RBL2: variants seen among roughly 807,000 people sequenced by gnomAD.
The protein encoded by RBL2 is retinoblastoma-like protein 2.
A neutral mutation model predicts 126.0 loss-of-function variants in RBL2; 56 were observed. That is an observed-to-expected ratio of 0.44 (90% CI 0.36 to 0.56). The LOEUF is 0.56. Among genes scored for constraint, RBL2 ranks in the 20% least tolerant of loss-of-function variants. The probability of loss-of-function intolerance (pLI) is 0.00; values close to 1 mark genes in which losing one functional copy is unlikely to be tolerated. For synonymous variants in RBL2, 454 were observed against 478.5 expected (o/e 0.95, Z 0.67); for missense variants, 1,229 against 1,398.2 (o/e 0.88, Z 1.93).
chr16:53,473,041 T>A (rs995593098), intron 17 of RBL2, among the ~76,000 whole-genome samples: 1 of 152,236 alleles, frequency 6.6e-6, no homozygotes, highest in Non-Finnish European at 1.5e-5. Context: ...GAACTCTAAA[T>A]TCTATTCCAC....
rs769694024 is a variant in RBL2 at position 53,462,636 on chromosome 16, T to G, written c.1541T>G (p.Leu514Arg). 8.3e-5 allele frequency: 129 copies of G among 1,555,418 alleles called. No homozygotes were observed. In the South Asian group the frequency reaches 8.8e-4, roughly 11 times the overall value. ...GTTATTGAGCAGGAACAAAAAAGAC[T>G]AGGAGACATGGATTTATCTGTGAGT... ...ESVIEQEQKRLGDMDLSGILE... is the reference protein window; with the variant it reads ...ESVIEQEQKRRGDMDLSGILE... Residue 514 changes from leucine (L) to arginine (R), a missense_variant, in exon 11 of 22, where the codon CTA (leucine) becomes CGA (arginine). Leu to Arg is a moderately radical substitution (Grantham distance 102, BLOSUM62 -2). This residue lies in a region of RBL2 where 1,070 missense variants were observed against 1,274.3 expected (regional missense o/e 0.84). Coordinates refer to ENST00000262133, the MANE Select transcript of RBL2 (RefSeq NM_005611.4).
rs1342580743 is a variant in RBL2 at position 53,464,524 on chromosome 16, CT to C, written c.1698+162del. On this transcript the variant is annotated intron_variant, in intron 12 of 21. Transcript: ENST00000262133. The stretch of plus-strand genomic sequence containing the variant: ...TAGAAAAGAAATAGAATCTTAAGAC[CT>C]ATGTAAATTCTTTTAATATTGTATG... 2.7e-5 allele frequency: 16 copies of C among 591,174 alleles called. No homozygotes were observed. In the South Asian group the frequency reaches 4.0e-4, roughly 15 times the overall value. The allele number at this position is 591,174 out of a possible 1,614,324, so 36.6% of individuals were successfully genotyped here. A position where few individuals can be genotyped will look rare whatever the true frequency, so the allele number is the denominator to read the frequency against.
intron 15 of RBL2, 68 bp from the exon 16 acceptor site, chr16:53,470,315 T>G: frequency 2.5e-6 from 4 of 1,572,226 alleles, no homozygotes. Flanking sequence ...GAGCAGAAAT[T>G]GTAAACCTCT....
intron 5 of RBL2, 144 bp downstream of exon 5, chr16:53,451,975 GC>G: frequency 1.1e-6 from 1 of 903,300 alleles, no homozygotes; most frequent in East Asian, 2.5e-5. Context: ...TAAGAGTCAA[GC>G]TGCCTGTAAA....
Position 53,434,475 on chromosome 16 carries a change from G to A in RBL2, c.-82G>A. 3 of 1,299,600 alleles carry A rather than the reference G, an allele frequency of 2.3e-6. No individual in the cohort carries two copies. Among genetic ancestry groups the A allele is most frequent in the Middle Eastern group, 2.9e-4 (1 of 3,460 alleles). 80.5% of individuals were successfully genotyped at this position (1,299,600 alleles called of 1,614,324 possible). A position where few individuals can be genotyped will look rare whatever the true frequency, so the allele number is the denominator to read the frequency against. On this transcript the variant is annotated 5_prime_UTR_variant, in exon 1 of 22. Coordinates refer to ENST00000262133, the MANE Select transcript of RBL2 (RefSeq NM_005611.4). ...CGGCGCAGGCGCGGTGCGGGCGGCG[G>A]ACGGGCGGGCGCTTCGCCGTTTGAA...
At chr16:53,479,821 T>G (rs1960871619) in intron 18 of RBL2, 65 bp from the exon 19 acceptor site, 1 of 1,051,234 alleles carries the variant, frequency 9.5e-7, no homozygotes, top group Non-Finnish European at 1.4e-6. Flanking sequence ...TATGTGAAGG[T>G]CCTATCACCA....
At chr16:53,438,354 T>C (rs2057979515) in intron 1 of RBL2, among the ~76,000 whole-genome samples, 1 of 152,180 alleles carries the variant, frequency 6.6e-6, no homozygotes, top group South Asian at 2.1e-4. Context: ...CGAAGGCACA[T>C]GTCCTAAGAG....
At chr16:53,474,748 T>C (rs561263909) in intron 17 of RBL2, among the ~76,000 whole-genome samples, 38 of 152,384 alleles carry the variant, frequency 2.5e-4, no homozygotes, top group African/African-American at 8.2e-4. Flanking sequence ...TTTATCCTTA[T>C]GCATAAGAGG....
intron 2 of RBL2, among the ~76,000 whole-genome samples, chr16:53,439,954 CAA>C (rs10591959): frequency 5.8e-4 from 53 of 91,936 alleles, no homozygotes; most frequent in Admixed American, 1.0e-3. Flanking sequence ...ACCTTGTCTC[CAA>C]AAAAAAAAAA....
chr16:53,479,703 T>C lies in RBL2; in HGVS notation c.2776-183T>C, dbSNP rs188853535. On this transcript the variant is annotated intron_variant, in intron 18 of 21. Transcript: ENST00000262133. ...GCAGGTAGTACTTGGCATGTGATGC[T>C]AGATGGGCTCTGATTGAATCCTGGA... The C allele has an allele frequency of 5.0e-5, 27 of 543,512 alleles. No individual in the cohort carries two copies. In the East Asian group the frequency reaches 7.4e-4, roughly 15 times the overall value. 33.7% of individuals were successfully genotyped at this position (543,512 alleles called of 1,614,324 possible). A position where few individuals can be genotyped will look rare whatever the true frequency, so the allele number is the denominator to read the frequency against.
intron 13 of RBL2, chr16:53,465,887 C>T (rs1444815816): frequency 4.7e-6 from 1 of 213,898 alleles, no homozygotes; most frequent in African/African-American, 2.3e-5. Flanking sequence ...GACTTATATA[C>T]AGGGTACTCC....
intron 1 of RBL2, among the ~76,000 whole-genome samples, chr16:53,437,530 C>T (rs1330875865): frequency 1.3e-5 from 2 of 152,002 alleles, no homozygotes; most frequent in East Asian, 1.9e-4. Flanking sequence ...AGAATTGTGA[C>T]GATCTTTTAC....
rs1359396146 is a variant in RBL2, at chr16:53,434,638, GAC to G, written c.83_84del (p.Asp28GlyfsTer55). 1.3e-6 allele frequency: 2 copies of G among 1,563,660 alleles called. No homozygotes were observed. The highest frequency in any genetic ancestry group is 1.4e-5 in the African/African-American group (1 of 72,574). ...AGCCTCGGATGAGGAGGAGGAGGAC[GAC>G]GGCGAGGCGGAAGACGCCGCGCCGC... ...AAASDEEEEDDGEAEDAAPPA... is the reference protein window; with the variant it reads ...AAASDEEEEDXGEAEDAAPPA... On this transcript the variant is annotated frameshift_variant, in exon 1 of 22. Transcript: ENST00000262133. LOFTEE classifies it high-confidence loss of function.
Position 53,454,804 on chromosome 16 carries a change from G to A in RBL2, c.1141G>A (p.Val381Met). 1 of 1,613,664 alleles carries A rather than the reference G, an allele frequency of 6.2e-7. No individual in the cohort carries two copies. The highest frequency in any genetic ancestry group is 8.5e-7 in the Non-Finnish European group (1 of 1,179,766). ...TTCAGGAACAGAGACTGCTGAAAGG[G>A]TGCAGATGAAAAACATCTTACAGCA... ...AGSGTETAER[V>M]QMKNILQQHF... is the part of the protein sequence containing the mutation. Residue 381 changes from valine to methionine, a missense_variant, in exon 8 of 22, where the codon GTG (valine) becomes ATG (methionine). Transcript: ENST00000262133.
intron 17 of RBL2, among the ~76,000 whole-genome samples, chr16:53,474,696 A>AT (rs1598122541): frequency 1.3e-5 from 2 of 152,106 alleles, no homozygotes; most frequent in East Asian, 3.9e-4. Flanking sequence ...AAAAATATTT[A>AT]TTTTTTCAAG....
intron 21 of RBL2, 36 bp from the exon 22 acceptor site, chr16:53,490,094 G>GCATTTTAAAATTTTTGTATCTTTT: frequency 6.8e-7 from 1 of 1,479,692 alleles, no homozygotes. Context: ...ATGTGCATTT[G>GCATTTTAAAATTTTTGTATCTTTT]CATTTTAAAA....
At chr16:53,484,782 TA>T (rs1961094980) in intron 21 of RBL2, among the ~76,000 whole-genome samples, 1 of 152,154 alleles carries the variant, frequency 6.6e-6, no homozygotes, top group South Asian at 2.1e-4. Context: ...GGGAACATAC[TA>T]AAAGCCATGG....
chr16:53,466,901 GTTT>G (rs936884084), intron 13 of RBL2, 154 bp from the exon 14 acceptor site: 17 of 568,498 alleles, frequency 3.0e-5, no homozygotes, highest in Non-Finnish European at 4.2e-5. Context: ...ACTGCCAAAA[GTTT>G]TTTTTTTAAC....
rs1248820050 is a variant in RBL2, at chr16:53,458,453, A to G, written c.1180-998A>G. ...ATTTCTCTGAAGACCTGTCTACCTT[A>G]GGGGGAGAACCTGTGATAGATTCTG... is the stretch of plus-strand genomic sequence containing the variant. On this transcript the variant is annotated intron_variant, in intron 8 of 21. Transcript: ENST00000262133. Among the ~76,000 whole-genome samples the G allele has an allele frequency of 2.6e-5, 4 of 152,154 alleles. No individual in the cohort carries two copies. In the East Asian group the frequency reaches 5.8e-4, roughly 22 times the overall value.
Sources: allele counts gnomAD v4.1 joint callset (sites outside exome capture counted in the v4.1 genomes callset), GRCh38; gene constraint gnomAD v4.1.1; regional missense constraint gnomAD v4.1.1; transcripts MANE v1.5; gene names NCBI Gene and HGNC (gene_info 2026-07-23, HGNC 2026-07-21).